LIPC: variants seen among roughly 807,000 people sequenced by gnomAD.
LIPC encodes lipase C, hepatic type, also known as hepatic triacylglycerol lipase.
LIPC carries 44 observed loss-of-function variants against 50.7 expected under a neutral mutation model. That is an observed-to-expected ratio of 0.87 (90% CI 0.68 to 1.11). The LOEUF (loss-of-function observed/expected upper bound fraction) is 1.11. Among genes scored for constraint, LIPC ranks in the 50% most tolerant of loss-of-function variants. The pLI is 0.00. For missense variants in LIPC, 697 were observed against 648.2 expected (o/e 1.08, Z -0.82); for synonymous variants, 271 against 256.4 (o/e 1.06, Z -0.54).
intron 1 of LIPC, among the ~76,000 whole-genome samples, chr15:58,502,106 G>C (rs1892003717): frequency 6.6e-6 from 1 of 152,152 alleles, no homozygotes; most frequent in Admixed American, 6.5e-5. Context: ...CAGGGAGAGA[G>C]AGCCTTGCAC....
chr15:58,466,858 GTAAAGTTGATTTTCACATATCTTCA>G (rs1206944362), intron 1 of LIPC, among the ~76,000 whole-genome samples: 3 of 152,042 alleles, frequency 2.0e-5, no homozygotes, highest in Non-Finnish European at 4.4e-5. Context: ...TAATCACTTC[GTAAAGTTGATTTTCACATATCTTCA>G]TCCAGAAAAT....
At chr15:58,494,729 C>T (rs1258757729) in intron 1 of LIPC, 1 of 454,268 alleles carries the variant, frequency 2.2e-6, no homozygotes, top group Non-Finnish European at 4.4e-6. Flanking sequence ...TGGGTGGGAT[C>T]TCTTTAATGA....
chr15:58,485,279 T>C (rs6494014), intron 1 of LIPC, among the ~76,000 whole-genome samples: 149,945 of 152,250 alleles, frequency 0.98, 73,886 homozygotes, highest in Middle Eastern at 1. Flanking sequence ...TGGATTCAAG[T>C]GAGTTTTAGG....
intron 1 of LIPC, among the ~76,000 whole-genome samples, chr15:58,529,863 CA>C (rs1892905095): frequency 6.6e-6 from 1 of 152,192 alleles, no homozygotes; most frequent in South Asian, 2.1e-4. Flanking sequence ...TCATCACTAC[CA>C]ATAAAAGGTC....
At chr15:58,489,260 C>T (rs1891495575) in intron 1 of LIPC, among the ~76,000 whole-genome samples, 1 of 132,988 alleles carries the variant, frequency 7.5e-6, no homozygotes, top group South Asian at 2.5e-4. Flanking sequence ...GGTTCAGGAG[C>T]ACTCTATTAA....
At chr15:58,464,116 A>T (rs11634134) in intron 1 of LIPC, among the ~76,000 whole-genome samples, 87,894 of 152,012 alleles carry the variant, frequency 0.58, 26,348 homozygotes, top group Non-Finnish European at 0.67. Context: ...ATTATTTTTT[A>T]AAATCATGAT....
At chr15:58,508,801 C>T (rs1478751340) in intron 1 of LIPC, among the ~76,000 whole-genome samples, 1 of 152,118 alleles carries the variant, frequency 6.6e-6, no homozygotes, top group Non-Finnish European at 1.5e-5. Flanking sequence ...AACCAACCAA[C>T]CTGACCTTGG....
chr15:58,470,383 A>C (rs1376981261), intron 1 of LIPC, among the ~76,000 whole-genome samples: 1 of 152,176 alleles, frequency 6.6e-6, no homozygotes, highest in South Asian at 2.1e-4. Flanking sequence ...AATAAGTCTA[A>C]GAAATTTTTA....
In LIPC at chr15:58,548,573, G is replaced by A. The variant is rs1256215831; in HGVS notation, c.1051+1G>A. On this transcript the variant is annotated splice_donor_variant, in intron 6 of 8. Transcript: ENST00000299022. LOFTEE classifies it high-confidence loss of function. ...ACGCGAGCCCAGTCCCCCTTCAAAG[G>A]TGAGTGTGGAGCTGGGGAGCCTTCA... 1.3e-6 allele frequency: 2 copies of A among 1,589,600 alleles called. No individual in the cohort carries two copies. The highest frequency in any genetic ancestry group is 4.5e-5 in the East Asian group (2 of 44,232).
chr15:58,521,825 A>T (rs1892663034), intron 1 of LIPC: 1 of 152,344 alleles, frequency 6.6e-6, no homozygotes, highest in African/African-American at 2.4e-5. Flanking sequence ...TAAGCAGGTT[A>T]TATAAGAAGT....
At chr15:58,535,561 C>T (rs1215083861) in intron 1 of LIPC, among the ~76,000 whole-genome samples, 1 of 152,172 alleles carries the variant, frequency 6.6e-6, no homozygotes, top group Non-Finnish European at 1.5e-5. Context: ...ACAGCTAAAT[C>T]CAGAGTAAAT....
intron 3 of LIPC, among the ~76,000 whole-genome samples, chr15:58,542,219 G>C (rs1266043049): frequency 6.6e-6 from 1 of 152,018 alleles, no homozygotes; most frequent in Non-Finnish European, 1.5e-5. Context: ...CACCCCCTTA[G>C]ACATGCTAAG....
At position 58,471,255 on chromosome 15, in the gene LIPC, G is replaced by A. The variant is rs959228412; in HGVS notation, c.88+39135G>A. 3.6e-5 allele frequency among the ~76,000 whole-genome samples: 5 copies of A among 139,364 alleles called. No individual in the cohort carries two copies. In the South Asian group the frequency reaches 9.8e-4, roughly 27 times the overall value. The allele number at this position is 139,364 out of a possible 152,430, so 91.4% of individuals were successfully genotyped here. A position where few individuals can be genotyped will look rare whatever the true frequency, so the allele number is the denominator to read the frequency against. On this transcript the variant is annotated intron_variant, in intron 1 of 8. Transcript: ENST00000299022. ...AGATTCAAGCGATTCTCCTACCTCA[G>A]CCTCCCGAGTAGCTGGGATTACAGG...
intron 1 of LIPC, among the ~76,000 whole-genome samples, chr15:58,445,022 G>C (rs1211551714): frequency 1.3e-5 from 2 of 152,246 alleles, no homozygotes; most frequent in Admixed American, 6.5e-5. Context: ...CAGGGGGCCT[G>C]TGCTGAAAGG....
intron 8 of LIPC, chr15:58,565,527 ATCT>A (rs1753298515): frequency 7.7e-7 from 1 of 1,306,714 alleles, no homozygotes; most frequent in Non-Finnish European, 9.8e-7. Flanking sequence ...GTCTCACGTG[ATCT>A]TTGCTGTGAT....
At chr15:58,469,161 A>C (rs2140734533) in intron 1 of LIPC, among the ~76,000 whole-genome samples, 1 of 139,784 alleles carries the variant, frequency 7.2e-6, no homozygotes, top group Non-Finnish European at 1.5e-5. Flanking sequence ...AAGAGACTGG[A>C]TCTCACTCTG....
intron 1 of LIPC, among the ~76,000 whole-genome samples, chr15:58,484,192 G>A (rs1891287226): frequency 6.6e-6 from 1 of 152,120 alleles, no homozygotes; most frequent in African/African-American, 2.4e-5. Context: ...GCTGTCCTTG[G>A]CATTTCACCT....
chr15:58,468,886 C>T (rs1031878041), intron 1 of LIPC, among the ~76,000 whole-genome samples: 3 of 152,170 alleles, frequency 2.0e-5, no homozygotes, highest in African/African-American at 7.2e-5. Context: ...TCCCTATGAA[C>T]CTTGGACACT....
intron 1 of LIPC, among the ~76,000 whole-genome samples, chr15:58,433,331 C>G (rs1472032755): frequency 3.9e-5 from 6 of 152,238 alleles, no homozygotes; most frequent in Admixed American, 1.3e-4. Context: ...AAAAGGGCCT[C>G]TATCATAAAT....
Sources: gnomAD v4.1 joint callset for allele counts (sites outside exome capture counted in the v4.1 genomes callset) on GRCh38, gnomAD v4.1.1 for gene constraint, MANE v1.5 for transcripts, NCBI Gene and HGNC (gene_info 2026-07-23, HGNC 2026-07-21) for gene names.